JAK2: variants seen among roughly 807,000 people sequenced by gnomAD.
The protein encoded by JAK2 is Janus kinase 2, also known as tyrosine-protein kinase JAK2.
A neutral mutation model predicts 139.3 loss-of-function variants in JAK2; 86 were observed. The ratio of observed to expected loss-of-function variants is 0.62; its 90% CI spans 0.52 to 0.74. The LOEUF (loss-of-function observed/expected upper bound fraction) is 0.74, where lower values mean the gene tolerates loss of function less well. Ranked by LOEUF, JAK2 falls within the 30% of genes least tolerant of loss-of-function variation. JAK2 has a pLI of 0.00. For synonymous variants in JAK2, 490 were observed against 437.7 expected, an observed-to-expected ratio of 1.12 and a Z score of -1.49; for missense variants, 1,421 against 1,360.3, an observed-to-expected ratio of 1.04 and a Z score of -0.70.
Position 5,054,989 on chromosome 9 carries a change from T to C in JAK2, c.936+105T>C. ...CAACATGGTATTGCACTTCTCCCAT[T>C]TGATAGAAGTGGAAGTTTTTAATAG... On this transcript the variant is annotated intron_variant, in intron 7 of 24. Transcript: ENST00000381652. This position sits in a 1 kb window ranked among gnomAD's most constrained non-coding sequence, Gnocchi z 4.9. The C allele has an allele frequency of 6.3e-6, 5 of 788,404 alleles. No individual in the cohort carries two copies. Among genetic ancestry groups the C allele is most frequent in the Non-Finnish European group, 9.8e-6 (5 of 509,054 alleles). The allele number at this position is 788,404 out of a possible 1,614,324, so 48.8% of individuals were successfully genotyped here.
At chr9:5,075,815 T>C (rs1161720661) in intron 14 of JAK2, among the ~76,000 whole-genome samples, 2 of 152,178 alleles carry the variant, frequency 1.3e-5, no homozygotes, top group Non-Finnish European at 2.9e-5. Context: ...TAAGCTGCCA[T>C]AGATAGTGAT....
Position 5,080,298 on chromosome 9 carries a change from C to T in JAK2, c.2201C>T (p.Thr734Ile). ...IENPKNLNLA[T>I]DKWSFGTTLW... Reference sequence around the variant, plus strand: ...AATCCTAAAAATTTAAATTTGGCAACAGACAAATGGAGTTTTGGTACCACT... The same window carrying T: ...AATCCTAAAAATTTAAATTTGGCAATAGACAAATGGAGTTTTGGTACCACT... Residue 734 changes from threonine to isoleucine, a missense_variant, in exon 17 of 25, where the codon ACA (threonine) becomes ATA (isoleucine). Coordinates refer to ENST00000381652, the MANE Select transcript of JAK2 (RefSeq NM_004972.4). The T allele has an allele frequency of 6.2e-7, 1 of 1,613,142 alleles. No individual in the cohort carries two copies. The highest frequency in any genetic ancestry group is 8.5e-7 in the Non-Finnish European group (1 of 1,179,198).
intron 19 of JAK2, chr9:5,086,240 C>T (rs1423861772): frequency 1.2e-5 from 7 of 585,234 alleles, no homozygotes; most frequent in Non-Finnish European, 1.3e-5. Flanking sequence ...CTGAAAGTCG[C>T]GGTAGGATGG....
At chr9:5,080,140 A>G in intron 16 of JAK2, 89 bp from the exon 17 acceptor site, 1 of 1,041,860 alleles carries the variant, frequency 9.6e-7, no homozygotes, top group Non-Finnish European at 1.4e-6. Flanking sequence ...CTGATTATTC[A>G]AATGATTTGA....
chr9:5,118,664 C>T (rs949191107), intron 22 of JAK2, among the ~76,000 whole-genome samples: 2 of 152,032 alleles, frequency 1.3e-5, no homozygotes, highest in African/African-American at 2.4e-5. Context: ...CAGATGTAAA[C>T]GCTGAGAAAA....
chr9:5,019,278 C>T (rs1014673559), intron 2 of JAK2, among the ~76,000 whole-genome samples: 1 of 152,022 alleles, frequency 6.6e-6, no homozygotes, highest in African/African-American at 2.4e-5. Flanking sequence ...GGGGTTATTT[C>T]AGAAGACCTG....
In JAK2 at chr9:5,037,301, A is replaced by G. The variant is rs1036638510; in HGVS notation, c.351-7102A>G. On this transcript the variant is annotated intron_variant, in intron 4 of 24. Transcript: ENST00000381652. ...AACCATTGTGGAAGTCAGTGTGGCG[A>G]TTCCTCAGGGATCTAGAACTAGAAA... Among the ~76,000 whole-genome samples the G allele has an allele frequency of 4.6e-5, 7 of 152,266 alleles. No homozygotes were observed. The South Asian group carries it at 1.4e-3, about 32-fold the overall frequency.
At chr9:5,117,738 CACAG>C (rs1823308770) in intron 22 of JAK2, among the ~76,000 whole-genome samples, 1 of 151,772 alleles carries the variant, frequency 6.6e-6, no homozygotes, top group Non-Finnish European at 1.5e-5. Context: ...AGATATAACT[CACAG>C]AAACAAAAGT....
intron 8 of JAK2, among the ~76,000 whole-genome samples, chr9:5,059,115 G>C (rs563780310): frequency 1.3e-5 from 2 of 152,038 alleles, no homozygotes; most frequent in Non-Finnish European, 2.9e-5. Flanking sequence ...CTAATCTTAC[G>C]TGTATAGCTC....
At chr9:5,125,606 A>G (rs1385979070) in intron 23 of JAK2, among the ~76,000 whole-genome samples, 3 of 151,588 alleles carry the variant, frequency 2.0e-5, no homozygotes, top group Admixed American at 6.6e-5. Flanking sequence ...GTGCCAAATT[A>G]TATCTCAACA....
At chr9:5,112,724 C>A (rs1822727005) in intron 22 of JAK2, 2 of 757,474 alleles carry the variant, frequency 2.6e-6, no homozygotes, top group East Asian at 3.1e-5. Flanking sequence ...GAACCTGAAT[C>A]CCAAAACAGC....
intron 22 of JAK2, chr9:5,111,052 T>G: frequency 9.6e-7 from 1 of 1,036,786 alleles, no homozygotes; most frequent in Non-Finnish European, 1.4e-6. Context: ...ATTCAGAGGT[T>G]CAGGTCTTGA....
In JAK2 at chr9:5,034,002, C is replaced by T. The variant is rs560043399; in HGVS notation, c.350+4096C>T. ...TGCTGTATTCAGGAAACCCATCTCA[C>T]GTGCAGAGACACACATAGGCTCAAA... On this transcript the variant is annotated intron_variant, in intron 4 of 24. Transcript: ENST00000381652. 1.7e-3 allele frequency among the ~76,000 whole-genome samples: 264 copies of T among 152,234 alleles called. 1 individual carries two copies. The highest frequency in any genetic ancestry group is 6.0e-3 in the African/African-American group (248 of 41,512).
At chr9:5,052,834 C>G (rs186997176) in intron 6 of JAK2, among the ~76,000 whole-genome samples, 16 of 152,100 alleles carry the variant, frequency 1.1e-4, no homozygotes, top group Admixed American at 9.8e-4. Context: ...TACTTCATTT[C>G]TTTTTATTGC....
In JAK2 at chr9:5,085,838, T is replaced by C. The variant is rs1466905864; in HGVS notation, c.2572-3836T>C. Reference sequence around the variant, plus strand: ...TAATTGATCGAAAGGCTTTTCCTTTTACATCAAAGTAGTACTCAGAGATTT... The same window carrying C: ...TAATTGATCGAAAGGCTTTTCCTTTCACATCAAAGTAGTACTCAGAGATTT... On this transcript the variant is annotated intron_variant, in intron 19 of 24. Transcript: ENST00000381652. 7 of 763,184 alleles carry C rather than the reference T, an allele frequency of 9.2e-6. No homozygotes were observed. In the Middle Eastern group the frequency reaches 7.0e-4, roughly 76 times the overall value. 47.3% of individuals were successfully genotyped at this position (763,184 alleles called of 1,614,324 possible).
rs532786881 is a variant in JAK2 at position 5,105,355 on chromosome 9, C to T, written c.3059+14444C>T. Among the ~76,000 whole-genome samples the T allele has an allele frequency of 6.6e-5, 10 of 151,678 alleles. No individual in the cohort carries two copies. In the South Asian group the frequency reaches 1.2e-3, roughly 19 times the overall value. The stretch of plus-strand genomic sequence containing the variant: ...CTGGGAATCCAACTTACAAGAGATG[C>T]GAAGGACCTCTGGACCTCTTCAAGG... On this transcript the variant is annotated intron_variant, in intron 22 of 24. Coordinates refer to ENST00000381652, the MANE Select transcript of JAK2 (RefSeq NM_004972.4).
chr9:5,063,784 A>T (rs942068023), intron 8 of JAK2, among the ~76,000 whole-genome samples: 7 of 152,216 alleles, frequency 4.6e-5, no homozygotes, highest in Non-Finnish European at 1.0e-4. Context: ...TTTTGTATGT[A>T]AAAATATAAT....
At chr9:4,994,927 T>C (rs1820474488) in intron 2 of JAK2, among the ~76,000 whole-genome samples, 1 of 148,166 alleles carries the variant, frequency 6.7e-6, no homozygotes, top group Non-Finnish European at 1.5e-5. Context: ...TAAATATCTT[T>C]GTACATTTGT....
At chr9:5,074,606 G>A (rs1234331920) in intron 14 of JAK2, among the ~76,000 whole-genome samples, 1 of 152,140 alleles carries the variant, frequency 6.6e-6, no homozygotes, top group Non-Finnish European at 1.5e-5. Flanking sequence ...CTCCATCAAT[G>A]AGCCATTCCT....
Sources: gnomAD v4.1 joint callset for allele counts (sites outside exome capture counted in the v4.1 genomes callset) on GRCh38, gnomAD v4.1.1 for gene constraint, Gnocchi (gnomAD v3.1) non-coding constraint, MANE v1.5 for transcripts, NCBI Gene and HGNC (gene_info 2026-07-23, HGNC 2026-07-21) for gene names.